NRXN1: variants seen among roughly 807,000 people sequenced by gnomAD.
The protein encoded by NRXN1 is neurexin 1, also known as neurexin-1.
A neutral mutation model predicts 150.9 loss-of-function variants in NRXN1; 39 were observed. That is an observed-to-expected ratio of 0.26 (90% CI 0.20 to 0.34). The LOEUF (loss-of-function observed/expected upper bound fraction) is 0.34, where lower values mean the gene tolerates loss of function less well. Ranked by LOEUF, NRXN1 falls within the 10% of genes least tolerant of loss-of-function variation. The probability of loss-of-function intolerance (pLI) is 1.00; values close to 1 mark genes in which losing one functional copy is unlikely to be tolerated. For synonymous variants in NRXN1, 924 were observed against 757.0 expected (o/e 1.22, Z -3.62); for missense variants, 1,815 against 1,949.9 (o/e 0.93, Z 1.30).
intron 22 of NRXN1, among the ~76,000 whole-genome samples, chr2:49,934,378 C>A (rs1200893070): frequency 2.6e-5 from 4 of 152,134 alleles, no homozygotes; most frequent in Non-Finnish European, 5.9e-5. Flanking sequence ...ACCCCTCCAC[C>A]AGGGTGCCCG....
chr2:50,396,352 C>T (rs2082050145), intron 17 of NRXN1, among the ~76,000 whole-genome samples: 1 of 152,110 alleles, frequency 6.6e-6, no homozygotes, highest in African/African-American at 2.4e-5. Flanking sequence ...TGTAATGGTA[C>T]TTATTTGAAT....
intron 12 of NRXN1, among the ~76,000 whole-genome samples, chr2:50,523,043 G>A (rs1023504227): frequency 2.6e-5 from 4 of 151,636 alleles, no homozygotes; most frequent in Admixed American, 1.3e-4. Context: ...CCTCAATTTC[G>A]ATATTATTCT....
chr2:50,043,240 C>A (rs1191073856), intron 21 of NRXN1, among the ~76,000 whole-genome samples: 1 of 152,134 alleles, frequency 6.6e-6, no homozygotes, highest in Non-Finnish European at 1.5e-5. Context: ...TGGAAAACTC[C>A]AGTCACAAAA....
chr2:50,301,766 G>C (rs1488260371), intron 17 of NRXN1, among the ~76,000 whole-genome samples: 1 of 152,174 alleles, frequency 6.6e-6, no homozygotes, highest in Non-Finnish European at 1.5e-5. Flanking sequence ...ACAGCATGAA[G>C]AATCAAGATG....
chr2:50,132,295 G>C (rs895671499), intron 18 of NRXN1, among the ~76,000 whole-genome samples: 2 of 141,920 alleles, frequency 1.4e-5, no homozygotes, highest in African/African-American at 2.6e-5. Flanking sequence ...GATAGTTTAT[G>C]TCCCAAAACT....
chr2:50,131,170 G>A (rs1464893508), intron 18 of NRXN1, among the ~76,000 whole-genome samples: 1 of 152,082 alleles, frequency 6.6e-6, no homozygotes, highest in African/African-American at 2.4e-5. Context: ...CTCAGCTTGG[G>A]TTGAAAGCTG....
chr2:50,207,656 C>A (rs1243991659), intron 18 of NRXN1: 1 of 168,486 alleles, frequency 5.9e-6, no homozygotes, highest in African/African-American at 2.4e-5. Context: ...TATGTTCTTT[C>A]AAGCATAGCA....
intron 18 of NRXN1, among the ~76,000 whole-genome samples, chr2:50,225,371 T>C (rs1284260150): frequency 2.0e-5 from 3 of 152,092 alleles, no homozygotes; most frequent in South Asian, 2.1e-4. Flanking sequence ...TGCTAGAGTA[T>C]GAAAATACGG....
chr2:50,914,261 C>T (rs1684915668), intron 5 of NRXN1, among the ~76,000 whole-genome samples: 1 of 151,702 alleles, frequency 6.6e-6, no homozygotes, highest in Non-Finnish European at 1.5e-5. Context: ...TTTATGCCTA[C>T]TTGATGATCT....
chr2:49,940,112 A>G (rs906700344), intron 22 of NRXN1, among the ~76,000 whole-genome samples: 1 of 151,988 alleles, frequency 6.6e-6, no homozygotes, highest in African/African-American at 2.4e-5. Context: ...AAGGTGGGGG[A>G]GGGTCAGAGT....
chr2:50,166,684 T>C (rs1403829803), intron 18 of NRXN1, among the ~76,000 whole-genome samples: 3 of 152,196 alleles, frequency 2.0e-5, no homozygotes, highest in African/African-American at 7.2e-5. Flanking sequence ...ATTTATTAAA[T>C]GCATACTATT....
At chr2:49,995,095 A>G (rs1384904682) in intron 21 of NRXN1, among the ~76,000 whole-genome samples, 1 of 152,234 alleles carries the variant, frequency 6.6e-6, no homozygotes, top group Non-Finnish European at 1.5e-5. Context: ...TTTCGATTTC[A>G]TATAGCTAAG....
intron 8 of NRXN1, among the ~76,000 whole-genome samples, chr2:50,590,593 G>T (rs1221998737): frequency 3.9e-5 from 6 of 152,064 alleles, no homozygotes; most frequent in Non-Finnish European, 5.9e-5. Flanking sequence ...CTAACTCCCA[G>T]TGTGATGGGG....
At chr2:50,722,027 G>A (rs1696723785) in intron 5 of NRXN1, among the ~76,000 whole-genome samples, 2 of 152,070 alleles carry the variant, frequency 1.3e-5, no homozygotes, top group African/African-American at 4.8e-5. Context: ...TTCTTCTGCA[G>A]GAGGTCTCTA....
At chr2:50,428,025 T>C (rs1284751070) in intron 17 of NRXN1, among the ~76,000 whole-genome samples, 2 of 152,174 alleles carry the variant, frequency 1.3e-5, no homozygotes, top group Non-Finnish European at 2.9e-5. Flanking sequence ...TCCTCTTCTT[T>C]ATAGGCAATC....
intron 17 of NRXN1, among the ~76,000 whole-genome samples, chr2:50,454,897 T>A (rs2087385935): frequency 6.6e-6 from 1 of 152,122 alleles, no homozygotes; most frequent in Non-Finnish European, 1.5e-5. Flanking sequence ...CATCAAGTAA[T>A]CAAAGACTGC....
intron 18 of NRXN1, among the ~76,000 whole-genome samples, chr2:50,131,665 C>A (rs1705512677): frequency 6.6e-6 from 1 of 152,142 alleles, no homozygotes; most frequent in Non-Finnish European, 1.5e-5. Context: ...CACATTAATT[C>A]AGCTATTTAC....
intron 8 of NRXN1, among the ~76,000 whole-genome samples, chr2:50,573,637 T>A (rs1284387150): frequency 2.6e-5 from 4 of 151,924 alleles, no homozygotes; most frequent in Non-Finnish European, 5.9e-5. Context: ...CTCATTGGGG[T>A]GGAATCCCAA....
chr2:50,108,848 A>G (rs983063523), intron 18 of NRXN1, among the ~76,000 whole-genome samples: 3 of 152,118 alleles, frequency 2.0e-5, no homozygotes, highest in Non-Finnish European at 4.4e-5. Flanking sequence ...AATAAAAATA[A>G]CAGTTTAAAT....
Sources: allele counts gnomAD v4.1 joint callset (sites outside exome capture counted in the v4.1 genomes callset), GRCh38; gene constraint gnomAD v4.1.1; transcripts MANE v1.5; gene names NCBI Gene and HGNC (gene_info 2026-07-23, HGNC 2026-07-21).